Variants in ALDH9A1 observed in about 807,000 individuals in gnomAD.
ALDH9A1 encodes the protein aldehyde dehydrogenase 9 family member A1.
A neutral mutation model predicts 56.6 loss-of-function variants in ALDH9A1; 42 were observed. The ratio of observed to expected loss-of-function variants is 0.74; its 90% confidence interval spans 0.58 to 0.96. ALDH9A1 has a LOEUF of 0.96. ALDH9A1 is among the 40% of genes least tolerant of loss of function. The pLI, the probability that ALDH9A1 is intolerant of heterozygous loss-of-function variation, is 0.00. For missense variants in ALDH9A1, 661 were observed against 651.5 expected (o/e 1.01, Z -0.16); for synonymous variants, 242 against 236.0 (o/e 1.03, Z -0.23).
At chr1:165,692,453 T>G (rs922912663) in intron 2 of ALDH9A1, among the ~76,000 whole-genome samples, 3 of 152,104 alleles carry the variant, frequency 2.0e-5, no homozygotes, top group African/African-American at 4.8e-5. Context: ...ATGAGTGAAC[T>G]CCCATTCACA....
intron 2 of ALDH9A1, among the ~76,000 whole-genome samples, chr1:165,692,872 G>A (rs1649940515): frequency 6.6e-6 from 1 of 152,088 alleles, no homozygotes; most frequent in Non-Finnish European, 1.5e-5. Context: ...CAGAGATATA[G>A]AACAATGGAA....
intron 6 of ALDH9A1, chr1:165,676,417 G>A: frequency 5.0e-6 from 1 of 199,628 alleles, no homozygotes; most frequent in Non-Finnish European, 1.0e-5. Context: ...CTATAAGAAA[G>A]GCAATACTGT....
At chr1:165,686,052 G>GA (rs1237039623) in intron 2 of ALDH9A1, among the ~76,000 whole-genome samples, 2 of 151,970 alleles carry the variant, frequency 1.3e-5, no homozygotes, top group African/African-American at 2.4e-5. Flanking sequence ...AGAAAATATG[G>GA]AAAAAAATGT....
intron 1 of ALDH9A1, among the ~76,000 whole-genome samples, chr1:165,695,796 G>T (rs1183709100): frequency 6.6e-6 from 1 of 151,682 alleles, no homozygotes; most frequent in Admixed American, 6.6e-5. Context: ...GTAACTTCTT[G>T]TTTTTATGTA....
chr1:165,697,462 T>A (rs896763158), intron 1 of ALDH9A1, among the ~76,000 whole-genome samples: 1 of 152,258 alleles, frequency 6.6e-6, no homozygotes, highest in Non-Finnish European at 1.5e-5. Flanking sequence ...ATACAATTTT[T>A]ATTTGTTAAT....
chr1:165,663,446 C>G lies in ALDH9A1; in HGVS notation c.1463-302G>C, dbSNP rs559197336. Among the ~76,000 whole-genome samples the G allele has an allele frequency of 9.5e-4, 144 of 152,294 alleles. 1 individual carries two copies. Among genetic ancestry groups the G allele is most frequent in the Admixed American group, 1.6e-3 (25 of 15,302 alleles). On this transcript the variant is annotated intron_variant, in intron 10 of 10. Transcript: ENST00000354775. ...TCTGAAAAATGCTTGGATTTTATAT[C>G]AAGTGTTAAAGGCAATCTCTACAAT...
At chr1:165,685,022 T>C (rs1385744399) in intron 2 of ALDH9A1, among the ~76,000 whole-genome samples, 1 of 152,224 alleles carries the variant, frequency 6.6e-6, no homozygotes, top group African/African-American at 2.4e-5. Context: ...ACTAAGAGCA[T>C]TAGGAGATCT....
chr1:165,696,819 T>C (rs1250838820), intron 1 of ALDH9A1, among the ~76,000 whole-genome samples: 1 of 152,204 alleles, frequency 6.6e-6, no homozygotes, highest in African/African-American at 2.4e-5. Flanking sequence ...GTAAAGGCGG[T>C]GGCTGAGGAT....
At chr1:165,692,761 A>G (rs1213311446) in intron 2 of ALDH9A1, among the ~76,000 whole-genome samples, 1 of 151,414 alleles carries the variant, frequency 6.6e-6, no homozygotes, top group Non-Finnish European at 1.5e-5. Context: ...TGCCAAGACA[A>G]TCCTAAGCCA....
At chr1:165,695,489 T>C in intron 1 of ALDH9A1, 92 bp from the exon 2 acceptor site, 2 of 290,368 alleles carry the variant, frequency 6.9e-6, no homozygotes, top group Non-Finnish European at 9.6e-6. Context: ...GTAGTAGTCT[T>C]TTTTTTTTTT....
At chr1:165,668,415 C>G (rs182459762) in intron 8 of ALDH9A1, among the ~76,000 whole-genome samples, 3 of 152,152 alleles carry the variant, frequency 2.0e-5, no homozygotes, top group Non-Finnish European at 4.4e-5. Context: ...CCATGTGACT[C>G]GTCTGCTCCC....
At chr1:165,668,839 T>C in intron 8 of ALDH9A1, 87 bp downstream of exon 8, 1 of 1,112,200 alleles carries the variant, frequency 9.0e-7, no homozygotes, top group Non-Finnish European at 1.3e-6. Flanking sequence ...CCTTGCTTTA[T>C]ATCATGTACA....
At position 165,667,273 on chromosome 1, in the gene ALDH9A1, C is replaced by T. The variant is rs374144694; in HGVS notation, c.1349+36G>A. 131 of 1,612,766 alleles carry T rather than the reference C, an allele frequency of 8.1e-5. No homozygotes were observed. The African/African-American group carries it at 1.6e-3, about 19-fold the overall frequency. On this transcript the variant is annotated intron_variant, in intron 9 of 10. Coordinates refer to ENST00000354775, the MANE Select transcript of ALDH9A1 (RefSeq NM_000696.4). ...TCTAAGCAGATACTGCAGCCCCGCT[C>T]CTTCAAAACTGCTCTCAGTGTCCCA... is the stretch of plus-strand genomic sequence containing the variant.
Position 165,695,278 on chromosome 1 carries a change from G to C in ALDH9A1, c.301C>G (p.Leu101Val), listed in dbSNP as rs749725117. ...CTTATTATCCTGGCAGCCTCCAAAAGGATTCGGCAACGCTCCATGCCAGAT... is the reference window on the plus strand; with the variant it reads ...CTTATTATCCTGGCAGCCTCCAAAACGATTCGGCAACGCTCCATGCCAGAT... ...QKSGMERCRILLEAARIIRER... is the reference protein window; with the variant it reads ...QKSGMERCRIVLEAARIIRER... The change falls in exon 2 of 11, where the codon CTT (leucine) becomes GTT (valine). Residue 101 changes from leucine to valine, a missense_variant. Leu to Val is a conservative substitution (Grantham distance 32). Coordinates refer to ENST00000354775, the MANE Select transcript of ALDH9A1 (RefSeq NM_000696.4). 4.3e-6 allele frequency: 7 copies of C among 1,610,696 alleles called. No homozygotes were observed. Among genetic ancestry groups the C allele is most frequent in the Non-Finnish European group, 5.1e-6 (6 of 1,178,708 alleles).
intron 6 of ALDH9A1, among the ~76,000 whole-genome samples, 200 bp from the exon 7 acceptor site, chr1:165,669,650 CA>C (rs1470369558): frequency 1.3e-5 from 2 of 152,056 alleles, no homozygotes; most frequent in Non-Finnish European, 2.9e-5. Flanking sequence ...ACTCCACAAG[CA>C]AAATCTGCCC....
At chr1:165,674,685 C>CAAAA (rs36011778) in intron 6 of ALDH9A1, among the ~76,000 whole-genome samples, 2,018 of 115,440 alleles carry the variant, frequency 0.017, 43 homozygotes, top group African/African-American at 0.065. Context: ...GACTCCGAAT[C>CAAAA]AAAAAAAAAA....
intron 6 of ALDH9A1, among the ~76,000 whole-genome samples, chr1:165,670,211 T>A (rs1346429035): frequency 6.6e-6 from 1 of 152,128 alleles, no homozygotes; most frequent in Non-Finnish European, 1.5e-5. Flanking sequence ...GGTGGGCGGA[T>A]CACTTGAGCT....
At chr1:165,679,183 T>G (rs912987979) in intron 6 of ALDH9A1, among the ~76,000 whole-genome samples, 1 of 152,252 alleles carries the variant, frequency 6.6e-6, no homozygotes, top group Non-Finnish European at 1.5e-5. Context: ...AGGGGCCTTA[T>G]GTCTACAATT....
intron 2 of ALDH9A1, among the ~76,000 whole-genome samples, chr1:165,684,347 C>A (rs933884782): frequency 1.3e-5 from 2 of 152,160 alleles, no homozygotes; most frequent in Non-Finnish European, 2.9e-5. Context: ...AAAGGATAAT[C>A]TGTTCACATT....
Sources: gnomAD v4.1 joint callset for allele counts (sites outside exome capture counted in the v4.1 genomes callset) on GRCh38, gnomAD v4.1.1 for gene constraint, MANE v1.5 for transcripts, NCBI Gene and HGNC (gene_info 2026-07-23, HGNC 2026-07-21) for gene names.